Variants in SCAF8 observed in about 807,000 individuals in gnomAD.
SCAF8 encodes the protein SR-related CTD associated factor 8.
In SCAF8, 23 loss-of-function variants were observed where a neutral mutation model predicts 140.5. The ratio of observed to expected loss-of-function variants is 0.16; its 90% CI spans 0.12 to 0.23. The LOEUF (loss-of-function observed/expected upper bound fraction) is 0.23. SCAF8 is among the 10% of genes least tolerant of loss of function. The pLI, the probability that SCAF8 is intolerant of heterozygous loss-of-function variation, is 1.00. For missense variants in SCAF8, 1,397 were observed against 1,555.7 expected, an observed-to-expected ratio of 0.90 and a Z score of 1.72; for synonymous variants, 575 against 528.9, an observed-to-expected ratio of 1.09 and a Z score of -1.20.
intron 16 of SCAF8, among the ~76,000 whole-genome samples, chr6:154,823,423 C>T (rs1478262208): frequency 6.6e-6 from 1 of 152,158 alleles, no homozygotes; most frequent in Non-Finnish European, 1.5e-5. Flanking sequence ...TCAGAATAGA[C>T]TTCTGGAGTG....
At chr6:154,766,284 C>T (rs550894864) in intron 1 of SCAF8, among the ~76,000 whole-genome samples, 2 of 152,188 alleles carry the variant, frequency 1.3e-5, no homozygotes, top group African/African-American at 2.4e-5. Flanking sequence ...GGCAGACACA[C>T]TCAGTGTAAC....
At chr6:154,791,406 A>G (rs1319599482) in intron 4 of SCAF8, among the ~76,000 whole-genome samples, 1 of 152,200 alleles carries the variant, frequency 6.6e-6, no homozygotes, top group Non-Finnish European at 1.5e-5. Context: ...ATATGAAATG[A>G]CTGAGATTAG....
Position 154,832,825 on chromosome 6 carries a change from A to G in SCAF8, c.3246A>G (p.Arg1082=), listed in dbSNP as rs1778791571. 6.2e-7 allele frequency: 1 copy of G among 1,613,890 alleles called. No homozygotes were observed. The highest frequency in any genetic ancestry group is 8.5e-7 in the Non-Finnish European group (1 of 1,180,004). The part of the protein sequence containing the change: ...VRPGIDHLGR[R]DHFGFNPEKP... The stretch of plus-strand genomic sequence containing the variant: ...CAGGTATAGATCATCTTGGTCGAAG[A>G]GACCACTTTGGCTTTAATCCAGAGA... Residue 1082 remains arginine, a synonymous_variant, in exon 20 of 20, where the codon AGA becomes AGG. Coordinates refer to ENST00000367178, the MANE Select transcript of SCAF8 (RefSeq NM_014892.5).
chr6:154,733,391 C>G, upstream of SCAF8: 1 of 1,352,050 alleles, frequency 7.4e-7, no homozygotes, highest in East Asian at 3.1e-5. Flanking sequence ...GATCCCCGAA[C>G]TGCGCGGCCC....
intron 3 of SCAF8, among the ~76,000 whole-genome samples, chr6:154,779,033 T>A (rs1395110140): frequency 2.0e-5 from 3 of 152,096 alleles, no homozygotes; most frequent in African/African-American, 7.2e-5. Context: ...TTGTTTTGGT[T>A]TTTTTGTTTT....
chr6:154,806,625 A>G (rs1318220129), intron 9 of SCAF8, among the ~76,000 whole-genome samples: 1 of 152,188 alleles, frequency 6.6e-6, no homozygotes, highest in African/African-American at 2.4e-5. Flanking sequence ...CAGTTATTTT[A>G]GATGGAAGAG....
At chr6:154,822,007 T>C (rs1228959485) in intron 15 of SCAF8, among the ~76,000 whole-genome samples, 1 of 152,226 alleles carries the variant, frequency 6.6e-6, no homozygotes, top group Non-Finnish European at 1.5e-5. Context: ...TTGAGATACA[T>C]ATCTATTGTA....
Position 154,820,227 on chromosome 6 carries a change from G to C in SCAF8, c.1686G>C (p.Trp562Cys). The C allele has an allele frequency of 6.2e-7, 1 of 1,608,456 alleles. No homozygotes were observed. The highest frequency in any genetic ancestry group is 8.5e-7 in the Non-Finnish European group (1 of 1,178,166). The change falls in exon 15 of 20, where the codon TGG (tryptophan) becomes TGC (cysteine). Residue 562 changes from tryptophan (W) to cysteine (C), a missense_variant. Transcript: ENST00000367178. ...KGVKTEYKQF[W>C]DVDLGVTYIP... The stretch of plus-strand genomic sequence containing the variant: ...TAAAAACAGAATACAAACAATTCTG[G>C]GATGTGGATCTTGGAGTTACATATA...
Position 154,827,172 on chromosome 6 carries a change from G to T in SCAF8, c.2072G>T (p.Gly691Val). Residue 691 changes from glycine (G) to valine (V), a missense_variant and splice_region_variant, in exon 18 of 20, where the codon GGT becomes GTT. Gly to Val is a moderately radical substitution (Grantham distance 109). Transcript: ENST00000367178. ...TTTTGGGGTTTTTTTTTCTGTCTAG[G>T]TTTCATGCCGCCTCCAGTTCCCCCA... is the stretch of plus-strand genomic sequence containing the variant. ...ASFNPSQPPPGFMPPPVPPPV... is the reference protein window; with the variant it reads ...ASFNPSQPPPVFMPPPVPPPV... 6.3e-7 allele frequency: 1 copy of T among 1,599,992 alleles called. No individual in the cohort carries two copies. Among genetic ancestry groups the T allele is most frequent in the South Asian group, 1.1e-5 (1 of 87,948 alleles).
chr6:154,740,899 A>G (rs1778553228), intron 1 of SCAF8, among the ~76,000 whole-genome samples: 2 of 152,104 alleles, frequency 1.3e-5, no homozygotes, highest in Non-Finnish European at 2.9e-5. Flanking sequence ...AATTATAGGC[A>G]TGTGCCACCG....
Position 154,832,089 on chromosome 6 carries a change from G to T in SCAF8, c.2510G>T (p.Ser837Ile). 8.7e-6 allele frequency: 14 copies of T among 1,614,068 alleles called. No homozygotes were observed. The highest frequency in any genetic ancestry group is 1.1e-5 in the Non-Finnish European group (13 of 1,179,978). Residue 837 changes from serine to isoleucine, a missense_variant, in exon 20 of 20, where the codon AGT (serine) becomes ATT (isoleucine). Physicochemically the swap from Ser to Ile is moderately radical, Grantham distance 142 (BLOSUM62 -2). Around this residue, in one of 5 missense-constraint regions of SCAF8, gnomAD observed 930 missense variants for 874.6 expected, o/e 1.06. Transcript: ENST00000367178. ...LGVRPSNVSS[S>I]SGIIAAQPPN... ...GTCCGGCCATCTAATGTTTCCAGTA[G>T]TTCTGGGATTATTGCAGCCCAACCA...
rs59257286 is a variant in SCAF8, at chr6:154,793,815, CAAAAAA to C, written c.475+858_475+863del. Among the ~76,000 whole-genome samples the C allele has an allele frequency of 3.0e-4, 21 of 69,314 alleles. 1 individual carries two copies. The highest frequency in any genetic ancestry group is 2.2e-3 in the East Asian group (5 of 2,258). The allele number at this position is 69,314 out of a possible 152,430, so 45.5% of individuals were successfully genotyped here. A position where few individuals can be genotyped will look rare whatever the true frequency, so the allele number is the denominator to read the frequency against. On this transcript the variant is annotated intron_variant, in intron 5 of 19. Coordinates refer to ENST00000367178, the MANE Select transcript of SCAF8 (RefSeq NM_014892.5). Reference sequence around the variant, plus strand: ...GGGCAACAAGAGCAAAACTCTGTCTCAAAAAAAAAAAAAAAAAAAAAAAATTTTTTT... The same window carrying C: ...GGGCAACAAGAGCAAAACTCTGTCTCAAAAAAAAAAAAAAAAAATTTTTTT...
intron 3 of SCAF8, 80 bp downstream of exon 3, chr6:154,778,125 G>T: frequency 1.3e-6 from 1 of 742,308 alleles, no homozygotes; most frequent in African/African-American, 1.8e-5. Context: ...AAATACCCAA[G>T]TTTAAATTGT....
Position 154,832,568 on chromosome 6 carries a change from C to T in SCAF8, c.2989C>T (p.Pro997Ser). The change falls in exon 20 of 20, where the codon CCA (proline) becomes TCA (serine). Residue 997 changes from proline to serine, a missense_variant. Pro to Ser is a moderately conservative substitution (Grantham distance 74). Around this residue, in one of 5 missense-constraint regions of SCAF8, gnomAD observed 930 missense variants for 874.6 expected, o/e 1.06. Coordinates refer to ENST00000367178, the MANE Select transcript of SCAF8 (RefSeq NM_014892.5). The stretch of plus-strand genomic sequence containing the variant: ...ACAAAGCGTAGACAATGTTACTAAC[C>T]CAGAAAAAAGGATACCACTTGGGAA... ...GRQSVDNVTN[P>S]EKRIPLGNDN... The T allele has an allele frequency of 7.4e-6, 12 of 1,613,862 alleles. No individual in the cohort carries two copies. The highest frequency in any genetic ancestry group is 9.3e-6 in the Non-Finnish European group (11 of 1,179,942).
chr6:154,779,227 G>A (rs1322184607), intron 3 of SCAF8, among the ~76,000 whole-genome samples: 1 of 152,028 alleles, frequency 6.6e-6, no homozygotes. Flanking sequence ...TAGAGATGGG[G>A]GTTTCACCAT....
chr6:154,787,890 T>A lies in SCAF8; in HGVS notation c.189T>A (p.Leu63=). 6.2e-7 allele frequency: 1 copy of A among 1,613,812 alleles called. No individual in the cohort carries two copies. Among genetic ancestry groups the A allele is most frequent in the East Asian group, 2.2e-5 (1 of 44,862 alleles). ...AACCAGAATACAAAGTACCTGGACT[T>A]TATGTTATTGACTCCATTGTGCGAC... is the stretch of plus-strand genomic sequence containing the variant. ...KCKPEYKVPG[L]YVIDSIVRQS... Residue 63 remains leucine (L), a synonymous_variant, in exon 4 of 20, where the codon CTT becomes CTA. Coordinates refer to ENST00000367178, the MANE Select transcript of SCAF8 (RefSeq NM_014892.5).
At chr6:154,739,522 G>A (rs1056645614) in intron 1 of SCAF8, among the ~76,000 whole-genome samples, 13 of 152,174 alleles carry the variant, frequency 8.5e-5, no homozygotes, top group Admixed American at 7.9e-4. Context: ...ATGTAGGACC[G>A]GATATGTAGG....
intron 1 of SCAF8, among the ~76,000 whole-genome samples, chr6:154,760,326 C>G (rs1354737464): frequency 6.7e-6 from 1 of 150,024 alleles, no homozygotes; most frequent in East Asian, 1.9e-4. Flanking sequence ...GGCTCATTTT[C>G]TTTTCTTCTT....
intron 3 of SCAF8, among the ~76,000 whole-genome samples, chr6:154,787,640 A>G (rs547710684): frequency 6.6e-6 from 1 of 152,344 alleles, no homozygotes; most frequent in African/African-American, 2.4e-5. Context: ...AGCCAGTTAC[A>G]TAGTACTATT....
Sources: gnomAD v4.1 joint callset for allele counts (sites outside exome capture counted in the v4.1 genomes callset) on GRCh38, gnomAD v4.1.1 for gene constraint, gnomAD v4.1.1 regional missense constraint, MANE v1.5 for transcripts, NCBI Gene and HGNC (gene_info 2026-07-23, HGNC 2026-07-21) for gene names.